CMSS1: variants seen among roughly 807,000 people sequenced by gnomAD.
CMSS1 encodes the protein cms1 ribosomal small subunit homolog, also known as protein CMSS1.
In CMSS1, 33 loss-of-function variants were observed where a neutral mutation model predicts 43.5. The observed-to-expected ratio is 0.76, with a 90% CI of 0.57 to 1.01. The LOEUF (loss-of-function observed/expected upper bound fraction) is 1.01. Among genes scored for constraint, CMSS1 ranks in the 50% least tolerant of loss-of-function variants. The pLI is 0.00. For synonymous variants in CMSS1, 115 were observed against 117.2 expected, an observed-to-expected ratio of 0.98 and a Z score of 0.12; for missense variants, 313 against 326.4, an observed-to-expected ratio of 0.96 and a Z score of 0.32.
At chr3:99,929,319 T>A (rs762408577) in intron 1 of CMSS1, among the ~76,000 whole-genome samples, 29 of 152,208 alleles carry the variant, frequency 1.9e-4, no homozygotes, top group Non-Finnish European at 3.8e-4. Context: ...CATTAAACTT[T>A]GAAGGAAAAA....
At chr3:99,985,657 C>T (rs1171887152) in intron 1 of CMSS1, among the ~76,000 whole-genome samples, 9 of 151,404 alleles carry the variant, frequency 5.9e-5, no homozygotes, top group African/African-American at 1.9e-4. Flanking sequence ...GGCATGATCT[C>T]GGCTCACTGC....
intron 1 of CMSS1, among the ~76,000 whole-genome samples, chr3:100,034,781 A>C (rs1465616453): frequency 6.6e-6 from 1 of 152,224 alleles, no homozygotes; most frequent in Non-Finnish European, 1.5e-5. Context: ...GCATGCTTTA[A>C]ACCTAGACTT....
intron 1 of CMSS1, among the ~76,000 whole-genome samples, chr3:100,061,384 G>T (rs546038175): frequency 6.6e-6 from 1 of 152,168 alleles, no homozygotes; most frequent in African/African-American, 2.4e-5. Context: ...TTTGCTTAGA[G>T]ATTAAAACTT....
intron 1 of CMSS1, among the ~76,000 whole-genome samples, chr3:99,838,847 GCCCT>G (rs972464690): frequency 2.0e-5 from 3 of 151,762 alleles, no homozygotes; most frequent in Admixed American, 1.3e-4. Context: ...TTTGTTTTTT[GCCCT>G]CTCTTTTATG....
intron 1 of CMSS1, among the ~76,000 whole-genome samples, chr3:99,933,065 A>G (rs1452666408): frequency 2.0e-5 from 3 of 152,182 alleles, no homozygotes; most frequent in Non-Finnish European, 4.4e-5. Context: ...CAGTGAACAA[A>G]TGGAAGCACG....
At chr3:100,061,959 A>T (rs2065574136) in intron 1 of CMSS1, among the ~76,000 whole-genome samples, 1 of 152,112 alleles carries the variant, frequency 6.6e-6, no homozygotes, top group Non-Finnish European at 1.5e-5. Context: ...TCACATTGTT[A>T]TGCAACCAAG....
At chr3:100,068,583 C>T (rs1262820820) in intron 1 of CMSS1, among the ~76,000 whole-genome samples, 3 of 152,164 alleles carry the variant, frequency 2.0e-5, no homozygotes, top group Non-Finnish European at 4.4e-5. Flanking sequence ...GTATATGTAT[C>T]AGTTTACTTT....
At chr3:99,998,132 G>A (rs866306785) in intron 1 of CMSS1, among the ~76,000 whole-genome samples, 30 of 152,344 alleles carry the variant, frequency 2.0e-4, no homozygotes, top group Middle Eastern at 3.4e-3. Flanking sequence ...ACTACTGAAA[G>A]AGTTTCTAAT....
intron 1 of CMSS1, among the ~76,000 whole-genome samples, chr3:100,137,361 CATG>C (rs1179677083): frequency 6.6e-6 from 1 of 152,092 alleles, no homozygotes; most frequent in East Asian, 1.9e-4. Context: ...AGAGCCACAA[CATG>C]ATGATAAAAG....
At position 100,020,760 on chromosome 3, in the gene CMSS1, C is replaced by CTTTTTTT. The variant is rs34665880; in HGVS notation, c.65-126194_65-126188dup. 4.2e-4 allele frequency among the ~76,000 whole-genome samples: 30 copies of CTTTTTTT among 71,010 alleles called. 1 individual carries two copies. Among genetic ancestry groups the CTTTTTTT allele is most frequent in the Non-Finnish European group, 5.3e-4 (22 of 41,164 alleles). The allele number at this position is 71,010 out of a possible 152,430, so 46.6% of individuals were successfully genotyped here. On this transcript the variant is annotated intron_variant, in intron 1 of 9. Transcript: ENST00000421999. ...TTTTTAGAAAGTAATGAATAATTAG[C>CTTTTTTT]TTTTTTTTTTTTTTTTTTTTTTTTT...
At chr3:99,924,589 A>T (rs1576576330) in intron 1 of CMSS1, among the ~76,000 whole-genome samples, 1 of 152,004 alleles carries the variant, frequency 6.6e-6, no homozygotes, top group African/African-American at 2.4e-5. Flanking sequence ...CGCGATCTCG[A>T]CTCACTGCAA....
At chr3:100,083,560 T>C (rs2065962951) in intron 1 of CMSS1, among the ~76,000 whole-genome samples, 1 of 152,236 alleles carries the variant, frequency 6.6e-6, no homozygotes, top group South Asian at 2.1e-4. Context: ...TCTGATGCCA[T>C]GAAAAGCAAA....
chr3:100,045,934 C>T lies in CMSS1; in HGVS notation c.65-101039C>T, dbSNP rs151193342. On this transcript the variant is annotated intron_variant, in intron 1 of 9. Coordinates refer to ENST00000421999, the MANE Select transcript of CMSS1 (RefSeq NM_032359.4). ...AGGTCACTGGGGAAGGGGGAGGAGG[C>T]GGAGCTGGGGTGGATGAGAGAAGGG... 4.7e-3 allele frequency among the ~76,000 whole-genome samples: 710 copies of T among 151,668 alleles called. 6 individuals carry two copies. The highest frequency in any genetic ancestry group is 0.016 in the African/African-American group (667 of 41,346).
chr3:99,872,155 C>G (rs1944821415), intron 1 of CMSS1, among the ~76,000 whole-genome samples: 1 of 152,122 alleles, frequency 6.6e-6, no homozygotes, highest in Non-Finnish European at 1.5e-5. Context: ...AGCTGTGTCT[C>G]TGGGGCAAGT....
At chr3:100,060,327 A>C (rs2065540177) in intron 1 of CMSS1, among the ~76,000 whole-genome samples, 1 of 151,798 alleles carries the variant, frequency 6.6e-6, no homozygotes, top group East Asian at 1.9e-4. Context: ...ACTGTTTCCC[A>C]CTCCACCTCC....
At chr3:100,098,702 T>A (rs1451108630) in intron 1 of CMSS1, among the ~76,000 whole-genome samples, 1 of 152,192 alleles carries the variant, frequency 6.6e-6, no homozygotes, top group Non-Finnish European at 1.5e-5. Context: ...TAGCAGTGCC[T>A]TCTGAAGAAT....
chr3:99,833,163 A>T, intron 1 of CMSS1: 1 of 1,378,592 alleles, frequency 7.3e-7, no homozygotes, highest in Non-Finnish European at 1.0e-6. Context: ...ACGATTTTTT[A>T]ATAAATGCTT....
At chr3:100,023,688 A>G (rs561283042) in intron 1 of CMSS1, among the ~76,000 whole-genome samples, 20 of 152,282 alleles carry the variant, frequency 1.3e-4, no homozygotes, top group African/African-American at 4.8e-4. Flanking sequence ...TTGGCCTCAT[A>G]TAAACCATGA....
chr3:99,872,208 G>A (rs1944825167), intron 1 of CMSS1, among the ~76,000 whole-genome samples: 1 of 149,456 alleles, frequency 6.7e-6, no homozygotes, highest in South Asian at 2.1e-4. Context: ...GAGGCATTTG[G>A]ATCAGATGAC....
Sources: gnomAD v4.1 joint callset for allele counts (sites outside exome capture counted in the v4.1 genomes callset) on GRCh38, gnomAD v4.1.1 for gene constraint, MANE v1.5 for transcripts, NCBI Gene and HGNC (gene_info 2026-07-23, HGNC 2026-07-21) for gene names.